The following SUGCT variants were observed in gnomAD, a reference collection of about 807,000 sequenced individuals.
SUGCT encodes the protein succinyl-CoA:glutarate CoA-transferase.
In SUGCT, 41 loss-of-function variants were observed where a neutral mutation model predicts 55.0. That is an observed-to-expected ratio of 0.74 (90% CI 0.58 to 0.97). SUGCT has a LOEUF of 0.97. SUGCT is among the 50% of genes least tolerant of loss of function. SUGCT has a pLI of 0.00. For synonymous variants in SUGCT, 187 were observed against 200.4 expected, an observed-to-expected ratio of 0.93 and a Z score of 0.56; for missense variants, 568 against 547.8, an observed-to-expected ratio of 1.04 and a Z score of -0.37.
chr7:40,693,565 G>A (rs1384121843), intron 12 of SUGCT, among the ~76,000 whole-genome samples: 4 of 152,172 alleles, frequency 2.6e-5, no homozygotes, highest in Non-Finnish European at 4.4e-5. Context: ...CAGGCTTTTA[G>A]GCTTCAGAGA....
At chr7:40,905,258 G>C in the SUGCT span, among the ~76,000 whole-genome samples, 1 of 152,158 alleles carries the variant, frequency 6.6e-6, no homozygotes, top group Non-Finnish European at 1.5e-5. Context: ...GTTGTGAGAA[G>C]ACGATTCTGA....
chr7:40,341,412 T>C (rs924869248), intron 9 of SUGCT, among the ~76,000 whole-genome samples: 1 of 151,958 alleles, frequency 6.6e-6, no homozygotes, highest in Non-Finnish European at 1.5e-5. Flanking sequence ...TAGGTATTAA[T>C]AGAGAAAAAA....
chr7:40,519,141 G>A (rs1436230949), intron 12 of SUGCT, among the ~76,000 whole-genome samples: 6 of 151,838 alleles, frequency 4.0e-5, no homozygotes, highest in South Asian at 4.2e-4. Flanking sequence ...AGAAAACATC[G>A]GACAAACAAA....
chr7:40,902,276 T>TC, the SUGCT span, among the ~76,000 whole-genome samples: 1 of 152,064 alleles, frequency 6.6e-6, no homozygotes, highest in Non-Finnish European at 1.5e-5. Context: ...AATATATTTT[T>TC]CAATTAAAAA....
At chr7:40,495,365 C>T (rs372221888) in intron 11 of SUGCT, among the ~76,000 whole-genome samples, 31 of 151,938 alleles carry the variant, frequency 2.0e-4, no homozygotes, top group African/African-American at 6.3e-4. Flanking sequence ...TTTCACTAGC[C>T]CTTTCATATT....
chr7:40,909,312 G>A, the SUGCT span, among the ~76,000 whole-genome samples: 2 of 152,190 alleles, frequency 1.3e-5, no homozygotes, highest in African/African-American at 4.8e-5. Flanking sequence ...GACACTCGAT[G>A]TTTGGTTTCT....
At chr7:40,624,546 G>A (rs1799424584) in intron 12 of SUGCT, among the ~76,000 whole-genome samples, 1 of 152,132 alleles carries the variant, frequency 6.6e-6, no homozygotes, top group South Asian at 2.1e-4. Context: ...GATAAGTGAA[G>A]GCAATCTGAT....
chr7:40,183,994 T>C (rs902620973), intron 3 of SUGCT, among the ~76,000 whole-genome samples: 1 of 152,046 alleles, frequency 6.6e-6, no homozygotes, highest in Non-Finnish European at 1.5e-5. Flanking sequence ...GCCAAGATGG[T>C]GAAACCCCCT....
chr7:40,695,654 T>C (rs924254901), intron 12 of SUGCT, among the ~76,000 whole-genome samples: 2 of 152,166 alleles, frequency 1.3e-5, no homozygotes, highest in Non-Finnish European at 2.9e-5. Flanking sequence ...CTACAAAGGC[T>C]TTTTTTCAGA....
At chr7:40,390,892 G>C (rs975490794) in intron 9 of SUGCT, among the ~76,000 whole-genome samples, 12 of 152,086 alleles carry the variant, frequency 7.9e-5, no homozygotes, top group Non-Finnish European at 1.6e-4. Context: ...TATACTACAA[G>C]GCTACAGTAA....
chr7:40,628,508 A>C (rs1391713077), intron 12 of SUGCT, among the ~76,000 whole-genome samples: 1 of 152,228 alleles, frequency 6.6e-6, no homozygotes, highest in African/African-American at 2.4e-5. Context: ...CCCTCTGGCC[A>C]GATGAGAGCA....
the SUGCT span, among the ~76,000 whole-genome samples, chr7:40,875,699 T>C: frequency 1.3e-5 from 2 of 152,236 alleles, no homozygotes; most frequent in Non-Finnish European, 2.9e-5. Flanking sequence ...TAATAAAAGC[T>C]AACCTTTACA....
the SUGCT span, among the ~76,000 whole-genome samples, chr7:41,007,255 C>T: frequency 6.6e-6 from 1 of 152,142 alleles, no homozygotes; most frequent in Non-Finnish European, 1.5e-5. Flanking sequence ...GGCACCCTGA[C>T]TACTTAATAT....
At position 40,432,036 on chromosome 7, in the gene SUGCT, T is replaced by C. The variant is rs541276603; in HGVS notation, c.817-17251T>C. 6.6e-5 allele frequency among the ~76,000 whole-genome samples: 10 copies of C among 152,254 alleles called. No individual in the cohort carries two copies. In the East Asian group the frequency reaches 1.9e-3, roughly 29 times the overall value. On this transcript the variant is annotated intron_variant, in intron 9 of 13. Transcript: ENST00000335693. ...TTTATTTCTTTTTCTTGTCTGACTG[T>C]TTTTTCTAGTACTTTCAGTACTATG... is the stretch of plus-strand genomic sequence containing the variant.
intron 3 of SUGCT, 69 bp downstream of exon 3, chr7:40,182,097 C>T (rs1785246096): frequency 1.1e-6 from 1 of 910,950 alleles, no homozygotes; most frequent in African/African-American, 1.7e-5. Context: ...TCTCTAAATA[C>T]CCATGTTTAG....
At chr7:40,196,119 A>G (rs1786276498) in intron 6 of SUGCT, among the ~76,000 whole-genome samples, 1 of 152,168 alleles carries the variant, frequency 6.6e-6, no homozygotes, top group Non-Finnish European at 1.5e-5. Context: ...GAGTGGCATA[A>G]AGTCTTCCAA....
At chr7:40,771,526 G>A (rs1041292258) in intron 13 of SUGCT, among the ~76,000 whole-genome samples, 1 of 152,130 alleles carries the variant, frequency 6.6e-6, no homozygotes, top group Middle Eastern at 3.2e-3. Flanking sequence ...AGCAATCCAG[G>A]ATCGTATAGC....
At chr7:40,880,330 C>T in the SUGCT span, among the ~76,000 whole-genome samples, 1 of 152,166 alleles carries the variant, frequency 6.6e-6, no homozygotes, top group Non-Finnish European at 1.5e-5. Flanking sequence ...ATACTCCCTG[C>T]TGCAAATGCT....
chr7:40,434,754 G>A (rs766593099), intron 9 of SUGCT, among the ~76,000 whole-genome samples: 9 of 152,118 alleles, frequency 5.9e-5, no homozygotes, highest in Non-Finnish European at 1.2e-4. Context: ...CCAGACCCTG[G>A]AATATGGCAG....
Sources: allele counts gnomAD v4.1 joint callset (sites outside exome capture counted in the v4.1 genomes callset), GRCh38; gene constraint gnomAD v4.1.1; transcripts MANE v1.5; gene names NCBI Gene and HGNC (gene_info 2026-07-23, HGNC 2026-07-21).